The following CNTNAP2 variants were observed in gnomAD, a reference collection of about 807,000 sequenced individuals.
CNTNAP2 encodes the protein contactin-associated protein-like 2.
A neutral mutation model predicts 155.2 loss-of-function variants in CNTNAP2; 98 were observed. The observed-to-expected ratio is 0.63, with a 90% confidence interval of 0.54 to 0.75. The LOEUF (loss-of-function observed/expected upper bound fraction) is 0.75. CNTNAP2 is among the 30% of genes least tolerant of loss of function. The pLI, the probability that CNTNAP2 is intolerant of heterozygous loss-of-function variation, is 0.00. For missense variants in CNTNAP2, 1,727 were observed against 1,688.1 expected (o/e 1.02, Z -0.40); for synonymous variants, 651 against 631.2 (o/e 1.03, Z -0.47).
rs555486276 is a variant in CNTNAP2 at position 146,284,259 on chromosome 7, C to T, written c.97+167286C>T. Among the ~76,000 whole-genome samples the T allele has an allele frequency of 1.6e-4, 25 of 152,132 alleles. No individual in the cohort carries two copies. The South Asian group carries it at 3.7e-3, about 23-fold the overall frequency. On this transcript the variant is annotated intron_variant, in intron 1 of 23. Coordinates refer to ENST00000361727, the MANE Select transcript of CNTNAP2 (RefSeq NM_014141.6). ...TTAGCATTGCACAATCTAAAATATT[C>T]GGAGATGAGTAATGTAGCGCCAAAG...
intron 21 of CNTNAP2, among the ~76,000 whole-genome samples, chr7:148,326,814 G>A (rs1038867100): frequency 3.3e-5 from 5 of 149,998 alleles, no homozygotes; most frequent in African/African-American, 4.9e-5. Context: ...GCAGTGAGCC[G>A]AGATCGTGCC....
intron 9 of CNTNAP2, among the ~76,000 whole-genome samples, chr7:147,395,278 G>A (rs1264093657): frequency 3.9e-5 from 6 of 152,024 alleles, no homozygotes; most frequent in African/African-American, 1.4e-4. Context: ...TGGCTCAGCA[G>A]AGAAAGAATA....
At chr7:146,620,254 A>G (rs1179100480) in intron 1 of CNTNAP2, among the ~76,000 whole-genome samples, 1 of 152,124 alleles carries the variant, frequency 6.6e-6, no homozygotes, top group Non-Finnish European at 1.5e-5. Flanking sequence ...CATATAAATG[A>G]CACCTGCCGA....
At chr7:148,408,861 A>ATTC (rs1324989017) in intron 22 of CNTNAP2, among the ~76,000 whole-genome samples, 2 of 152,244 alleles carry the variant, frequency 1.3e-5, no homozygotes, top group Non-Finnish European at 2.9e-5. Context: ...GGCAGTTAAT[A>ATTC]TTCTTAACTG....
intron 8 of CNTNAP2, among the ~76,000 whole-genome samples, chr7:147,195,551 C>T (rs1584785582): frequency 6.6e-6 from 1 of 152,094 alleles, no homozygotes; most frequent in East Asian, 1.9e-4. Context: ...TATCCATGAG[C>T]ATGGAATGTT....
At chr7:146,274,374 CAGG>C (rs1291140657) in intron 1 of CNTNAP2, among the ~76,000 whole-genome samples, 1 of 152,162 alleles carries the variant, frequency 6.6e-6, no homozygotes, top group African/African-American at 2.4e-5. Context: ...AGTTGAATAT[CAGG>C]AGAGAGTTTT....
chr7:148,156,253 T>C (rs1805395223), intron 17 of CNTNAP2, among the ~76,000 whole-genome samples: 1 of 152,242 alleles, frequency 6.6e-6, no homozygotes, highest in African/African-American at 2.4e-5. Context: ...TGTTTTGTTT[T>C]GTTTTGAGTT....
At chr7:146,842,204 C>T (rs1456327484) in intron 3 of CNTNAP2, among the ~76,000 whole-genome samples, 2 of 151,938 alleles carry the variant, frequency 1.3e-5, no homozygotes, top group Non-Finnish European at 2.9e-5. Context: ...CTTGATATTA[C>T]ATAGAATAAT....
chr7:146,426,849 C>G (rs1404261960), intron 1 of CNTNAP2, among the ~76,000 whole-genome samples: 1 of 147,042 alleles, frequency 6.8e-6, no homozygotes, highest in African/African-American at 2.6e-5. Flanking sequence ...TGTAAGTGTT[C>G]TTACTGCACA....
At chr7:148,150,430 C>T (rs1259948453) in intron 17 of CNTNAP2, among the ~76,000 whole-genome samples, 2 of 152,070 alleles carry the variant, frequency 1.3e-5, no homozygotes. Context: ...TGCCTGTAGT[C>T]CCAGCTACTC....
At chr7:146,134,779 T>G (rs1440164928) in intron 1 of CNTNAP2, among the ~76,000 whole-genome samples, 2 of 151,868 alleles carry the variant, frequency 1.3e-5, no homozygotes. Context: ...TCATGGTGGA[T>G]AAGCTTTTTG....
intron 8 of CNTNAP2, among the ~76,000 whole-genome samples, chr7:147,158,483 G>GA (rs1362706077): frequency 6.6e-6 from 1 of 152,114 alleles, no homozygotes; most frequent in African/African-American, 2.4e-5. Flanking sequence ...TTGTGAAAAG[G>GA]AACTACTTTT....
At chr7:147,841,447 G>C (rs959241058) in intron 13 of CNTNAP2, among the ~76,000 whole-genome samples, 1 of 152,116 alleles carries the variant, frequency 6.6e-6, no homozygotes, top group Non-Finnish European at 1.5e-5. Flanking sequence ...CCGAGACTGA[G>C]ATCTCAGTCA....
chr7:146,475,473 T>G (rs1796864067), intron 1 of CNTNAP2, among the ~76,000 whole-genome samples: 1 of 152,096 alleles, frequency 6.6e-6, no homozygotes, highest in Admixed American at 6.5e-5. Flanking sequence ...AAATATAGAG[T>G]GCAGAGGCCT....
intron 2 of CNTNAP2, among the ~76,000 whole-genome samples, chr7:146,803,363 A>G (rs1355514849): frequency 6.6e-6 from 1 of 152,214 alleles, no homozygotes; most frequent in Non-Finnish European, 1.5e-5. Flanking sequence ...CAAATTATGT[A>G]GAAAGCATAG....
At chr7:146,168,761 T>C (rs1248518428) in intron 1 of CNTNAP2, among the ~76,000 whole-genome samples, 1 of 152,204 alleles carries the variant, frequency 6.6e-6, no homozygotes, top group African/African-American at 2.4e-5. Flanking sequence ...TTTACCAGCT[T>C]CTAGCTTTTA....
chr7:146,186,889 G>A (rs1798632040), intron 1 of CNTNAP2, among the ~76,000 whole-genome samples: 1 of 152,048 alleles, frequency 6.6e-6, no homozygotes, highest in South Asian at 2.1e-4. Context: ...AATGCATAAT[G>A]CATTCAAACA....
intron 13 of CNTNAP2, among the ~76,000 whole-genome samples, chr7:147,766,210 A>G (rs765240596): frequency 5.3e-5 from 8 of 152,194 alleles, no homozygotes; most frequent in Non-Finnish European, 7.4e-5. Flanking sequence ...AGTATCTCTT[A>G]TGGTATGTAA....
chr7:146,743,266 G>A (rs1176644058), intron 1 of CNTNAP2, among the ~76,000 whole-genome samples: 1 of 152,128 alleles, frequency 6.6e-6, no homozygotes, highest in Non-Finnish European at 1.5e-5. Context: ...GTACAAACAG[G>A]TATTCTATGA....
Sources: gnomAD v4.1 joint callset for allele counts (sites outside exome capture counted in the v4.1 genomes callset) on GRCh38, gnomAD v4.1.1 for gene constraint, MANE v1.5 for transcripts, NCBI Gene and HGNC (gene_info 2026-07-23, HGNC 2026-07-21) for gene names.